Variants in GALNT6 observed in about 807,000 individuals in gnomAD.
GALNT6 encodes the protein polypeptide N-acetylgalactosaminyltransferase 6, also known as GalNAc transferase 6.
GALNT6 carries 51 observed loss-of-function variants against 65.9 expected under a neutral mutation model. The ratio of observed to expected loss-of-function variants is 0.77; its 90% confidence interval spans 0.62 to 0.98. The LOEUF is 0.98. Ranked by LOEUF, GALNT6 falls within the 50% of genes least tolerant of loss-of-function variation. The pLI, the probability that GALNT6 is intolerant of heterozygous loss-of-function variation, is 0.00. For missense variants in GALNT6, 708 were observed against 803.3 expected, an observed-to-expected ratio of 0.88 and a Z score of 1.43; for synonymous variants, 323 against 315.1, an observed-to-expected ratio of 1.02 and a Z score of -0.26.
intron 2 of GALNT6, among the ~76,000 whole-genome samples, chr12:51,383,011 C>T (rs1463177302): frequency 2.6e-5 from 4 of 152,170 alleles, no homozygotes; most frequent in Admixed American, 1.3e-4. Context: ...GGAAAAGGAC[C>T]TTTCACTGAA....
At chr12:51,367,503 C>T (rs559885882) in intron 4 of GALNT6, among the ~76,000 whole-genome samples, 2 of 152,196 alleles carry the variant, frequency 1.3e-5, no homozygotes, top group African/African-American at 2.4e-5. Flanking sequence ...GAATTCCAAA[C>T]CTTACTATGT....
intron 2 of GALNT6, among the ~76,000 whole-genome samples, chr12:51,384,439 C>T (rs141607482): frequency 1.3e-5 from 2 of 152,288 alleles, no homozygotes; most frequent in African/African-American, 4.8e-5. Context: ...CACCTGAAAT[C>T]CCAGCACTTT....
rs202050499 is a variant in GALNT6 at position 51,377,206 on chromosome 12, G to A, written c.653C>T (p.Ala218Val). 6.2e-7 allele frequency: 1 copy of A among 1,613,340 alleles called. No homozygotes were observed. The highest frequency in any genetic ancestry group is 1.3e-5 in the African/African-American group (1 of 74,992). The change falls in exon 4 of 12, where the codon GCC becomes GTC. Residue 218 changes from alanine (A) to valine (V), a missense_variant. Transcript: ENST00000356317. ...CCCTCCAGCCTCACCCTCTGTGCTGGCATCATCCACCAGTATGATCTCCTT... is the reference window on the plus strand; with the variant it reads ...CCCTCCAGCCTCACCCTCTGTGCTGACATCATCCACCAGTATGATCTCCTT... ...LLKEIILVDD[A>V]STEEHLKEKL...
chr12:51,374,874 G>T (rs1207455742), intron 4 of GALNT6, among the ~76,000 whole-genome samples: 2 of 152,150 alleles, frequency 1.3e-5, no homozygotes, highest in African/African-American at 4.8e-5. Flanking sequence ...CTGAAATGAA[G>T]TCACAGTACA....
chr12:51,367,780 G>T (rs1947156791), intron 4 of GALNT6, among the ~76,000 whole-genome samples: 1 of 152,254 alleles, frequency 6.6e-6, no homozygotes, highest in Non-Finnish European at 1.5e-5. Context: ...GCTGGAGTGT[G>T]TGCCGGTGTG....
intron 2 of GALNT6, among the ~76,000 whole-genome samples, chr12:51,383,953 A>G (rs1296208703): frequency 6.6e-6 from 1 of 152,000 alleles, no homozygotes; most frequent in East Asian, 1.9e-4. Context: ...ATTCTTTGCT[A>G]TTGTTTCAAG....
rs1290456423 is a variant in GALNT6, at chr12:51,351,750, G to T, written c.*2629C>A. 1 of 152,212 alleles carries T rather than the reference G, an allele frequency of 6.6e-6. No individual in the cohort carries two copies. Among genetic ancestry groups the T allele is most frequent in the Non-Finnish European group, 1.5e-5 (1 of 68,042 alleles). The allele number at this position is 152,212 out of a possible 1,614,324, so 9.4% of individuals were successfully genotyped here. ...TACATAAGCTAGATTTAGGGCCAGA[G>T]AATGTTTGGGGACATGAGACAGTGG... On this transcript the variant is annotated 3_prime_UTR_variant, in exon 12 of 12. Coordinates refer to ENST00000356317, the MANE Select transcript of GALNT6 (RefSeq NM_007210.4).
At chr12:51,366,279 C>T (rs1393182302) in intron 4 of GALNT6, among the ~76,000 whole-genome samples, 1 of 152,202 alleles carries the variant, frequency 6.6e-6, no homozygotes, top group South Asian at 2.1e-4. Context: ...CCCTCTCAGC[C>T]ACCATCTTCC....
Position 51,368,039 on chromosome 12 carries a change from T to A in GALNT6, c.665-2460A>T, listed in dbSNP as rs538137318. On this transcript the variant is annotated intron_variant, in intron 4 of 11. Coordinates refer to ENST00000356317, the MANE Select transcript of GALNT6 (RefSeq NM_007210.4). ...GGAATTTTTTTTTTTTTTAATTTTT[T>A]AATTCTGGAGCAGATTAAGATCAGA... Among the ~76,000 whole-genome samples, 305 of 152,102 alleles carry A rather than the reference T, an allele frequency of 2.0e-3. 2 individuals carry two copies. The highest frequency in any genetic ancestry group is 7.1e-3 in the African/African-American group (294 of 41,504).
rs1222830778 is a variant in GALNT6, at chr12:51,354,500, A to G, written c.1756-8T>C. 3 of 1,569,112 alleles carry G rather than the reference A, an allele frequency of 1.9e-6. No homozygotes were observed. The highest frequency in any genetic ancestry group is 2.6e-6 in the Non-Finnish European group (3 of 1,147,792). On this transcript the variant is annotated splice_polypyrimidine_tract_variant and splice_region_variant and intron_variant, in intron 11 of 11. Transcript: ENST00000356317. The stretch of plus-strand genomic sequence containing the variant: ...GTTCCTGATGAGCTGATCCTAAAAG[A>G]TGACAAAGCAAAAGGTCAGTCTGGG...
rs545033736 is a variant in GALNT6, at chr12:51,379,860, G to T, written c.-79C>A. ...CCCTGGAGATAGCTTGATACGTTGTGGTGGCCACAAGCTGGGGCCTCAGCC... is the reference window on the plus strand; with the variant it reads ...CCCTGGAGATAGCTTGATACGTTGTTGTGGCCACAAGCTGGGGCCTCAGCC... On this transcript the variant is annotated 5_prime_UTR_variant, in exon 3 of 12. Coordinates refer to ENST00000356317, the MANE Select transcript of GALNT6 (RefSeq NM_007210.4). 2.7e-4 allele frequency: 385 copies of T among 1,402,188 alleles called. 1 individual carries two copies. The African/African-American group carries it at 5.1e-3, about 18-fold the overall frequency. 86.9% of individuals were successfully genotyped at this position (1,402,188 alleles called of 1,614,324 possible). A position where few individuals can be genotyped will look rare whatever the true frequency, so the allele number is the denominator to read the frequency against.
chr12:51,370,075 T>G (rs576625474), intron 4 of GALNT6, among the ~76,000 whole-genome samples: 1 of 152,324 alleles, frequency 6.6e-6, no homozygotes, highest in South Asian at 2.1e-4. Flanking sequence ...GCAATTCCAC[T>G]TTTGGGCATA....
At chr12:51,372,893 G>A (rs1565725287) in intron 4 of GALNT6, among the ~76,000 whole-genome samples, 1 of 152,246 alleles carries the variant, frequency 6.6e-6, no homozygotes, top group Non-Finnish European at 1.5e-5. Context: ...GAGACACGAA[G>A]TCAAAGGAAA....
At chr12:51,360,695 C>T (rs1234916058) in intron 7 of GALNT6, 26 bp downstream of exon 7, 3 of 1,314,628 alleles carry the variant, frequency 2.3e-6, no homozygotes, top group Middle Eastern at 3.7e-4. Flanking sequence ...TGTTGTGGTT[C>T]CCCCCAAAGC....
chr12:51,377,266 T>C lies in GALNT6; in HGVS notation c.593A>G (p.Tyr198Cys). 6.2e-7 allele frequency: 1 copy of C among 1,613,710 alleles called. No individual in the cohort carries two copies. Among genetic ancestry groups the C allele is most frequent in the African/African-American group, 1.3e-5 (1 of 75,050 alleles). ...GGCAGGGGTGGTGTGTAGGACGCTG[T>C]ACACTGTTCGCAGCAGTGTGGACCA... ...EAWSTLLRTVYSVLHTTPAIL... is the reference protein window; with the variant it reads ...EAWSTLLRTVCSVLHTTPAIL... Residue 198 changes from tyrosine to cysteine, a missense_variant, in exon 4 of 12, where the codon TAC (tyrosine) becomes TGC (cysteine). By Grantham distance (194) the Tyr-to-Cys change is radical. Transcript: ENST00000356317.
chr12:51,383,831 G>T (rs1056550164), intron 2 of GALNT6, among the ~76,000 whole-genome samples: 1 of 152,150 alleles, frequency 6.6e-6, no homozygotes, highest in Non-Finnish European at 1.5e-5. Flanking sequence ...CAAGCCACAG[G>T]ACTTTGGGGT....
In GALNT6 at chr12:51,355,867, C is replaced by G. The variant is rs1354014335; in HGVS notation, c.1694G>C (p.Ser565Thr). The G allele has an allele frequency of 2.5e-6, 4 of 1,613,994 alleles. 1 individual carries two copies. Among genetic ancestry groups the G allele is most frequent in the Middle Eastern group, 3.3e-4 (2 of 6,056 alleles). ...GCTATTCTTGCCAGTGAAGTGACAGCTCCCAAGGCCCAGAGCACCCTTGCT... is the reference window on the plus strand; with the variant it reads ...GCTATTCTTGCCAGTGAAGTGACAGGTCCCAAGGCCCAGAGCACCCTTGCT... ...HVSKGALGLG[S>T]CHFTGKNSQV... Residue 565 changes from serine (S) to threonine (T), a missense_variant, in exon 11 of 12, where the codon AGC becomes ACC. Coordinates refer to ENST00000356317, the MANE Select transcript of GALNT6 (RefSeq NM_007210.4).
chr12:51,357,499 G>T, intron 9 of GALNT6, 49 bp from the exon 10 acceptor site: 2 of 1,399,474 alleles, frequency 1.4e-6, no homozygotes, highest in South Asian at 1.2e-5. Flanking sequence ...CAGTCAGGAG[G>T]TTCCTCATGT....
At chr12:51,364,881 T>G (rs1439689662) in intron 5 of GALNT6, among the ~76,000 whole-genome samples, 1 of 152,178 alleles carries the variant, frequency 6.6e-6, no homozygotes, top group Non-Finnish European at 1.5e-5. Flanking sequence ...TCATTCCTAT[T>G]TTATAAATGA....
Sources: allele counts gnomAD v4.1 joint callset (sites outside exome capture counted in the v4.1 genomes callset), GRCh38; gene constraint gnomAD v4.1.1; transcripts MANE v1.5; gene names NCBI Gene and HGNC (gene_info 2026-07-23, HGNC 2026-07-21).